The following HLCS variants were observed in gnomAD, a reference collection of about 807,000 sequenced individuals.
HLCS encodes the protein holocarboxylase synthetase, also known as biotin--protein ligase.
In HLCS, 53 loss-of-function variants were observed where a neutral mutation model predicts 75.0. The ratio of observed to expected loss-of-function variants is 0.71; its 90% CI spans 0.57 to 0.89. The LOEUF is 0.89. Among genes scored for constraint, HLCS ranks in the 40% least tolerant of loss-of-function variants. The pLI is 0.00. For synonymous variants in HLCS, 431 were observed against 428.6 expected (o/e 1.01, Z -0.07); for missense variants, 966 against 1,074.0 (o/e 0.90, Z 1.41).
chr21:36,898,446 C>CGAAAA (rs2065101850), intron 5 of HLCS, among the ~76,000 whole-genome samples: 1 of 49,538 alleles, frequency 2.0e-5, no homozygotes, highest in African/African-American at 8.7e-5. Flanking sequence ...AACTCCATCT[C>CGAAAA]AAAAAAAAAA....
At chr21:36,808,971 T>C (rs2061434273) in intron 6 of HLCS, among the ~76,000 whole-genome samples, 2 of 152,140 alleles carry the variant, frequency 1.3e-5, no homozygotes, top group African/African-American at 2.4e-5. Context: ...CCCAGCACTT[T>C]GGGAGGCTGA....
At chr21:36,803,485 A>G (rs1253368350) in intron 6 of HLCS, among the ~76,000 whole-genome samples, 3 of 152,238 alleles carry the variant, frequency 2.0e-5, no homozygotes, top group African/African-American at 7.2e-5. Flanking sequence ...GTTTATTGCC[A>G]AGGTTCCAGT....
intron 4 of HLCS, among the ~76,000 whole-genome samples, chr21:36,931,320 A>G (rs940738795): frequency 6.6e-6 from 1 of 150,586 alleles, no homozygotes; most frequent in African/African-American, 2.4e-5. Context: ...ACCTAGAAAG[A>G]CAGTTATGCT....
At chr21:36,871,541 C>T (rs190902870) in intron 6 of HLCS, among the ~76,000 whole-genome samples, 7 of 152,180 alleles carry the variant, frequency 4.6e-5, no homozygotes, top group Non-Finnish European at 5.9e-5. Context: ...AAAAACGCTA[C>T]GAAAATACAA....
chr21:36,896,821 G>C lies in HLCS; in HGVS notation c.1892+39C>G, dbSNP rs1303565565. On this transcript the variant is annotated intron_variant, in intron 6 of 10. Coordinates refer to ENST00000674895, the MANE Select transcript of HLCS (RefSeq NM_001352514.2). ...GTAAGAGAGGATGATCAATGGAACA[G>C]GACTCCTCTGAGCAGATGCAGACCT... is the stretch of plus-strand genomic sequence containing the variant. 7 of 1,609,454 alleles carry C rather than the reference G, an allele frequency of 4.3e-6. No individual in the cohort carries two copies. The Admixed American group carries it at 8.3e-5, about 19-fold the overall frequency.
At chr21:36,781,953 T>C (rs1404562367) in intron 6 of HLCS, among the ~76,000 whole-genome samples, 1 of 151,968 alleles carries the variant, frequency 6.6e-6, no homozygotes, top group African/African-American at 2.4e-5. Context: ...CATTTTTCTT[T>C]TTTGATCTAT....
At chr21:36,793,126 T>C (rs2060919996) in intron 6 of HLCS, among the ~76,000 whole-genome samples, 1 of 152,100 alleles carries the variant, frequency 6.6e-6, no homozygotes, top group Non-Finnish European at 1.5e-5. Flanking sequence ...TTGAGATCTT[T>C]AGTTTACATC....
chr21:36,792,262 T>C (rs531821105), intron 6 of HLCS, among the ~76,000 whole-genome samples: 3 of 152,056 alleles, frequency 2.0e-5, no homozygotes, highest in African/African-American at 7.2e-5. Context: ...TTTTCTTCTG[T>C]CACACAGCAG....
At chr21:36,799,396 C>A (rs1432720705) in intron 6 of HLCS, among the ~76,000 whole-genome samples, 1 of 152,186 alleles carries the variant, frequency 6.6e-6, no homozygotes, top group Non-Finnish European at 1.5e-5. Flanking sequence ...TACACCAACA[C>A]GCATAGTCTT....
At chr21:36,799,586 G>A (rs1415691617) in intron 6 of HLCS, among the ~76,000 whole-genome samples, 1 of 152,150 alleles carries the variant, frequency 6.6e-6, no homozygotes, top group African/African-American at 2.4e-5. Context: ...TTAAGGCAGG[G>A]GACTAAGGGA....
intron 6 of HLCS, among the ~76,000 whole-genome samples, chr21:36,830,254 G>A (rs1318228228): frequency 6.6e-6 from 1 of 152,158 alleles, no homozygotes; most frequent in East Asian, 1.9e-4. Flanking sequence ...TTCAGAGCTG[G>A]GAGAAATGAA....
At chr21:36,860,909 T>A (rs1372165115) in intron 6 of HLCS, among the ~76,000 whole-genome samples, 1 of 152,246 alleles carries the variant, frequency 6.6e-6, no homozygotes, top group Non-Finnish European at 1.5e-5. Flanking sequence ...ACTCAATCAA[T>A]TACCGTCCAC....
chr21:36,787,799 G>A (rs2060735694), intron 6 of HLCS, among the ~76,000 whole-genome samples: 1 of 152,202 alleles, frequency 6.6e-6, no homozygotes, highest in Non-Finnish European at 1.5e-5. Flanking sequence ...GAAAAGACCT[G>A]TGAAGATGCC....
At chr21:36,776,959 C>G (rs1030808478) in intron 6 of HLCS, among the ~76,000 whole-genome samples, 1 of 152,066 alleles carries the variant, frequency 6.6e-6, no homozygotes. Flanking sequence ...TTTAGAGCAA[C>G]TTTAGGTTTA....
chr21:36,902,644 G>A (rs914009256), intron 5 of HLCS, among the ~76,000 whole-genome samples: 4 of 152,176 alleles, frequency 2.6e-5, no homozygotes, highest in Admixed American at 6.5e-5. Context: ...CAAGATCATC[G>A]GCTAAGAGAG....
At chr21:36,882,697 GT>G (rs2064281462) in intron 6 of HLCS, among the ~76,000 whole-genome samples, 1 of 143,976 alleles carries the variant, frequency 6.9e-6, no homozygotes, top group Non-Finnish European at 1.5e-5. Context: ...TCCTGACCTC[GT>G]GATCCACCCA....
chr21:36,947,338 T>C, intron 2 of HLCS: 1 of 985,376 alleles, frequency 1.0e-6, no homozygotes, highest in Non-Finnish European at 1.2e-6. Context: ...CTCACCTAAG[T>C]GCATTTCCGT....
At chr21:36,760,399 A>G (rs1248256325) in intron 8 of HLCS, among the ~76,000 whole-genome samples, 1 of 152,138 alleles carries the variant, frequency 6.6e-6, no homozygotes, top group African/African-American at 2.4e-5. Flanking sequence ...TCACAAGGTC[A>G]GGAGTTCGAG....
intron 6 of HLCS, among the ~76,000 whole-genome samples, chr21:36,822,418 A>G (rs533015491): frequency 6.6e-6 from 1 of 152,286 alleles, no homozygotes; most frequent in Admixed American, 6.5e-5. Flanking sequence ...TGACGGAGCA[A>G]GACTCTGTCT....
Sources: allele counts gnomAD v4.1 joint callset (sites outside exome capture counted in the v4.1 genomes callset), GRCh38; gene constraint gnomAD v4.1.1; transcripts MANE v1.5; gene names NCBI Gene and HGNC (gene_info 2026-07-23, HGNC 2026-07-21).